MLC1: variants seen among roughly 807,000 people sequenced by gnomAD.
MLC1 encodes the protein modulator of VRAC current 1.
MLC1 carries 32 observed loss-of-function variants against 44.7 expected under a neutral mutation model. The observed-to-expected ratio is 0.72, with a 90% CI of 0.54 to 0.96. The LOEUF is 0.96. Among genes scored for constraint, MLC1 ranks in the 40% least tolerant of loss-of-function variants. The pLI is 0.00. For missense variants in MLC1, 459 were observed against 492.2 expected (o/e 0.93, Z 0.64); for synonymous variants, 190 against 213.0 (o/e 0.89, Z 0.94).
rs761502278 is a variant in MLC1 at position 50,076,879 on chromosome 22, C to T, written c.559G>A (p.Glu187Lys). The part of the protein sequence containing the change: ...SMSDSANILD[E>K]VPFPARVLKS... ...AGGACCCGAGCAGGAAATGGCACTT[C>T]GTCCAGAATGTTGGCGCTGTCAGAC... The change falls in exon 7 of 12, where the codon GAA (glutamate) becomes AAA (lysine). Residue 187 changes from glutamate to lysine, a missense_variant. Coordinates refer to ENST00000311597, the MANE Select transcript of MLC1 (RefSeq NM_015166.4). The T allele has an allele frequency of 9.3e-6, 15 of 1,613,798 alleles. No homozygotes were observed. Among genetic ancestry groups the T allele is most frequent in the African/African-American group, 2.7e-5 (2 of 74,910 alleles).
At chr22:50,076,798 G>A (rs757597323) in intron 7 of MLC1, 43 bp downstream of exon 7, 10 of 1,597,500 alleles carry the variant, frequency 6.3e-6, no homozygotes, top group South Asian at 3.3e-5. Context: ...AGTCACCCCC[G>A]ACAGAGTATG....
Position 50,083,271 on chromosome 22 carries a change from C to A in MLC1, c.178-98G>T, listed in dbSNP as rs576322717. On this transcript the variant is annotated intron_variant, in intron 2 of 11. Transcript: ENST00000311597. The surrounding 1 kb of genome is among the most constrained non-coding windows in gnomAD (Gnocchi z 4.6). ...TGCTTCACTGTCTGTGTATTGGTGA[C>A]TCACCCACGTCCCCCAGCATCAACC... is the stretch of plus-strand genomic sequence containing the variant. The A allele has an allele frequency of 9.2e-7, 1 of 1,085,106 alleles. No homozygotes were observed. The highest frequency in any genetic ancestry group is 2.5e-5 in the East Asian group (1 of 40,384). 67.2% of individuals were successfully genotyped at this position (1,085,106 alleles called of 1,614,324 possible).
intron 8 of MLC1, 41 bp from the exon 9 acceptor site, chr22:50,070,624 C>T (rs753626055): frequency 1.3e-6 from 2 of 1,536,546 alleles, no homozygotes; most frequent in Non-Finnish European, 1.8e-6. Context: ...AGGAAATAGT[C>T]GAAGAAGTCG....
At chr22:50,076,428 G>A (rs1394373490) in intron 7 of MLC1, among the ~76,000 whole-genome samples, 1 of 152,084 alleles carries the variant, frequency 6.6e-6, no homozygotes, top group East Asian at 1.9e-4. Context: ...GGTGGCATGT[G>A]CCTGTAGTCC....
At position 50,083,255 on chromosome 22, in the gene MLC1, G is replaced by A. The variant is rs1272795187; in HGVS notation, c.178-82C>T. 1 of 1,283,508 alleles carries A rather than the reference G, an allele frequency of 7.8e-7. No individual in the cohort carries two copies. 79.5% of individuals were successfully genotyped at this position (1,283,508 alleles called of 1,614,324 possible). ...CTGACCCTTCAACTTCTGCTTCACT[G>A]TCTGTGTATTGGTGACTCACCCACG... On this transcript the variant is annotated intron_variant, in intron 2 of 11. Transcript: ENST00000311597. This position sits in a 1 kb window ranked among gnomAD's most constrained non-coding sequence, Gnocchi z 4.6.
chr22:50,064,256 C>T, intron 10 of MLC1, 58 bp from the exon 11 acceptor site: 1 of 1,544,592 alleles, frequency 6.5e-7, no homozygotes, highest in Non-Finnish European at 8.7e-7. Flanking sequence ...CCCAGGAGAC[C>T]AAAGCTCCCT....
chr22:50,078,422 G>A (rs1263214502), intron 5 of MLC1, among the ~76,000 whole-genome samples: 1 of 152,142 alleles, frequency 6.6e-6, no homozygotes, highest in Non-Finnish European at 1.5e-5. Context: ...GGTGGGGAAG[G>A]ACTTGAAACA....
chr22:50,063,203 G>C (rs895236817), intron 11 of MLC1, among the ~76,000 whole-genome samples: 1 of 152,038 alleles, frequency 6.6e-6, no homozygotes, highest in South Asian at 2.1e-4. Context: ...GGCTGGGCGC[G>C]GTGGCTCACG....
intron 2 of MLC1, 51 bp downstream of exon 2, chr22:50,084,675 G>T: frequency 6.3e-7 from 1 of 1,598,942 alleles, no homozygotes; most frequent in Non-Finnish European, 8.6e-7. Flanking sequence ...TCCGTCACCA[G>T]AGGGACCAGA....
rs571268654 is a variant in MLC1 at position 50,066,369 on chromosome 22, G to A, written c.894+2064C>T. 1.2e-3 allele frequency among the ~76,000 whole-genome samples: 188 copies of A among 150,886 alleles called. 2 individuals carry two copies. Among genetic ancestry groups the A allele is most frequent in the Non-Finnish European group, 4.9e-4 (33 of 67,660 alleles). On this transcript the variant is annotated intron_variant, in intron 10 of 11. Coordinates refer to ENST00000311597, the MANE Select transcript of MLC1 (RefSeq NM_015166.4). ...ATAAATAAATACATAACTAAAAAGC[G>A]AGGTATATGGCTGGGCACGGTGGCT...
At position 50,068,459 on chromosome 22, in the gene MLC1, A is replaced by G. The variant is rs1184046612; in HGVS notation, c.868T>C (p.Phe290Leu). ...TTTATGGCTGGCGGGTAATCCTTAA[A>G]CATCTCCACGATTCTCATGATGCTG... ...SFSIMRIVEM[F>L]KDYPPAIKPS... The change falls in exon 10 of 12, where the codon TTT becomes CTT. Residue 290 changes from phenylalanine to leucine, a missense_variant. By Grantham distance (22) the Phe-to-Leu change is conservative (BLOSUM62 0). Transcript: ENST00000311597. 1 of 1,613,874 alleles carries G rather than the reference A, an allele frequency of 6.2e-7. No individual in the cohort carries two copies. Among genetic ancestry groups the G allele is most frequent in the Non-Finnish European group, 8.5e-7 (1 of 1,179,852 alleles).
chr22:50,060,773 C>G lies in MLC1; in HGVS notation c.*810G>C, dbSNP rs1184912645. ...GGCAGCGGCCATGTGGCACTCCAAG[C>G]TGGGCATGACAGTGCCCGGGACGTG... On this transcript the variant is annotated 3_prime_UTR_variant, in exon 12 of 12. Transcript: ENST00000311597. The G allele has an allele frequency of 1.1e-5, 1 of 90,238 alleles. No homozygotes were observed. The allele number at this position is 90,238 out of a possible 1,614,324, so 5.6% of individuals were successfully genotyped here.
Position 50,083,742 on chromosome 22 carries a change from G to A in MLC1, c.178-569C>T, listed in dbSNP as rs1039505632. ...CGGTGGGGAGGGGGCTCTCTCTCAC[G>A]CACAGCACCCCCGGGGTGAGTCTGA... On this transcript the variant is annotated intron_variant, in intron 2 of 11. Coordinates refer to ENST00000311597, the MANE Select transcript of MLC1 (RefSeq NM_015166.4). The surrounding 1 kb of genome is among the most constrained non-coding windows in gnomAD (Gnocchi z 4.6). Among the ~76,000 whole-genome samples the A allele has an allele frequency of 1.3e-5, 2 of 152,108 alleles. No individual in the cohort carries two copies. Among genetic ancestry groups the A allele is most frequent in the South Asian group, 2.1e-4 (1 of 4,816 alleles).
intron 1 of MLC1, 191 bp downstream of exon 1, chr22:50,085,164 A>T: frequency 1.5e-6 from 2 of 1,347,578 alleles, no homozygotes; most frequent in Non-Finnish European, 1.9e-6. Flanking sequence ...TCAGGGTGAG[A>T]TTCTACACTT....
At chr22:50,082,711 C>T (rs1424764273) in intron 3 of MLC1, among the ~76,000 whole-genome samples, 1 of 152,218 alleles carries the variant, frequency 6.6e-6, no homozygotes, top group East Asian at 1.9e-4. Flanking sequence ...ATTGCCCAGG[C>T]TGGAGTGCAG....
intron 2 of MLC1, 141 bp downstream of exon 2, chr22:50,084,585 G>A (rs948427244): frequency 1.3e-5 from 12 of 921,102 alleles, no homozygotes; most frequent in South Asian, 4.0e-5. Flanking sequence ...CAAGCTCGTC[G>A]GCATCCAAGA....
intron 11 of MLC1, among the ~76,000 whole-genome samples, chr22:50,061,981 C>T (rs538278000): frequency 2.0e-5 from 3 of 152,344 alleles, no homozygotes; most frequent in East Asian, 1.9e-4. Context: ...ATGTGCCTGA[C>T]GGCTGAGGAA....
In MLC1 at chr22:50,076,924, C is replaced by T. The variant is rs2061996315; in HGVS notation, c.526-12G>A. ...TCAGACATGGAGCCCTACGAAGAAACAGAACTGTCACCCCGGGTGCACGGG... is the reference window on the plus strand; with the variant it reads ...TCAGACATGGAGCCCTACGAAGAAATAGAACTGTCACCCCGGGTGCACGGG... On this transcript the variant is annotated splice_polypyrimidine_tract_variant and intron_variant, in intron 6 of 11. Transcript: ENST00000311597. 2 of 1,613,920 alleles carry T rather than the reference C, an allele frequency of 1.2e-6. No individual in the cohort carries two copies. Among genetic ancestry groups the T allele is most frequent in the Non-Finnish European group, 1.7e-6 (2 of 1,179,854 alleles).
intron 3 of MLC1, among the ~76,000 whole-genome samples, chr22:50,082,700 C>A (rs560800420): frequency 6.6e-6 from 1 of 152,272 alleles, no homozygotes; most frequent in African/African-American, 2.4e-5. Flanking sequence ...GTTTCACTCT[C>A]ATTGCCCAGG....
Sources: gnomAD v4.1 joint callset for allele counts (sites outside exome capture counted in the v4.1 genomes callset) on GRCh38, gnomAD v4.1.1 for gene constraint, Gnocchi (gnomAD v3.1) non-coding constraint, MANE v1.5 for transcripts, NCBI Gene and HGNC (gene_info 2026-07-23, HGNC 2026-07-21) for gene names.